MORN1: variants seen among roughly 807,000 people sequenced by gnomAD.
The protein encoded by MORN1 is MORN repeat-containing protein 1.
Under a neutral mutation model 61.9 loss-of-function variants are expected in MORN1, and 67 were observed. That is an observed-to-expected ratio of 1.08 (90% confidence interval 0.89 to 1.33). MORN1 has a LOEUF of 1.33. Ranked by LOEUF, MORN1 falls within the 40% of genes most tolerant of loss-of-function variation. The pLI is 0.00. For missense variants in MORN1, 752 were observed against 691.2 expected (o/e 1.09, Z -0.99); for synonymous variants, 301 against 292.0 (o/e 1.03, Z -0.31).
chr1:2,349,891 A>G (rs960844936), intron 10 of MORN1, among the ~76,000 whole-genome samples: 1 of 151,894 alleles, frequency 6.6e-6, no homozygotes, highest in Non-Finnish European at 1.5e-5. Flanking sequence ...TTTGTGCATG[A>G]AAAAAAAGAA....
At chr1:2,358,959 C>T (rs1476300193) in intron 8 of MORN1, among the ~76,000 whole-genome samples, 1 of 152,142 alleles carries the variant, frequency 6.6e-6, no homozygotes, top group Non-Finnish European at 1.5e-5. Flanking sequence ...ACCCCAATAC[C>T]CCTGTACCCC....
At chr1:2,358,452 T>C (rs1641824210) in intron 9 of MORN1, 140 bp downstream of exon 9, 1 of 1,172,170 alleles carries the variant, frequency 8.5e-7, no homozygotes, top group Non-Finnish European at 1.2e-6. Flanking sequence ...GCTGTTTCCT[T>C]AGAACAGACA....
At chr1:2,381,209 T>C (rs1336932177) in intron 6 of MORN1, among the ~76,000 whole-genome samples, 1 of 152,254 alleles carries the variant, frequency 6.6e-6, no homozygotes, top group Non-Finnish European at 1.5e-5. Flanking sequence ...ACGGCTGTGC[T>C]GCGTGGGAGG....
At chr1:2,382,486 C>T (rs903254500) in intron 6 of MORN1, among the ~76,000 whole-genome samples, 22 of 152,200 alleles carry the variant, frequency 1.4e-4, no homozygotes, top group African/African-American at 4.3e-4. Flanking sequence ...GCACCAGCGC[C>T]GGCCCCAGCT....
intron 10 of MORN1, among the ~76,000 whole-genome samples, chr1:2,348,779 A>G (rs61330564): frequency 0.037 from 4,968 of 132,482 alleles, 335 homozygotes; most frequent in African/African-American, 0.16. Context: ...GCAGGCACGC[A>G]CACACACGCA....
chr1:2,349,222 G>A (rs2055204), intron 10 of MORN1, among the ~76,000 whole-genome samples: 70,590 of 152,090 alleles, frequency 0.46, 18,349 homozygotes, highest in East Asian at 0.63. Flanking sequence ...CCTCAGAGAA[G>A]AGAAAAGGAC....
intron 10 of MORN1, among the ~76,000 whole-genome samples, chr1:2,342,127 G>A (rs1044732724): frequency 5.3e-5 from 8 of 152,280 alleles, no homozygotes; most frequent in African/African-American, 1.4e-4. Flanking sequence ...AAAGGTCACC[G>A]TACGACCTCG....
At chr1:2,343,982 G>C (rs1394966834) in intron 10 of MORN1, among the ~76,000 whole-genome samples, 1 of 151,566 alleles carries the variant, frequency 6.6e-6, no homozygotes, top group African/African-American at 2.4e-5. Context: ...CTGGGGCTGG[G>C]GCCAGGGGCA....
intron 10 of MORN1, chr1:2,352,055 C>G (rs1260490512): frequency 1.8e-6 from 1 of 551,166 alleles, no homozygotes; most frequent in Admixed American, 2.3e-5. Context: ...CACCAAGACC[C>G]TAGCATACTG....
At chr1:2,341,837 G>A (rs909439241) in intron 10 of MORN1, among the ~76,000 whole-genome samples, 3 of 152,260 alleles carry the variant, frequency 2.0e-5, no homozygotes, top group Non-Finnish European at 4.4e-5. Context: ...TCTCTTCCCC[G>A]TCTGAGTGGT....
intron 6 of MORN1, 68 bp downstream of exon 6, chr1:2,384,910 C>T: frequency 2.2e-6 from 3 of 1,377,528 alleles, no homozygotes; most frequent in South Asian, 2.8e-5. Context: ...TCCCCATACA[C>T]CCCACGCGCC....
At chr1:2,324,236 G>A (rs1258733418) in intron 12 of MORN1, 93 bp from the exon 13 acceptor site, 4 of 1,334,296 alleles carry the variant, frequency 3.0e-6, no homozygotes, top group South Asian at 2.5e-5. Context: ...TGGCTCCAGG[G>A]CAGATTCAGG....
At chr1:2,388,368 A>G (rs1202800969) in intron 2 of MORN1, 31 bp from the exon 3 acceptor site, 1 of 1,571,436 alleles carries the variant, frequency 6.4e-7, no homozygotes, top group Admixed American at 1.7e-5. Flanking sequence ...GTGAACTCAG[A>G]CAGTGGTTGG....
At chr1:2,323,299 T>C in intron 13 of MORN1, 1 of 985,372 alleles carries the variant, frequency 1.0e-6, no homozygotes, top group Non-Finnish European at 1.2e-6. Flanking sequence ...GTTCTCCCGC[T>C]GCGCCAGAGG....
At chr1:2,349,674 A>G (rs1641604611) in intron 10 of MORN1, among the ~76,000 whole-genome samples, 1 of 152,200 alleles carries the variant, frequency 6.6e-6, no homozygotes, top group South Asian at 2.1e-4. Flanking sequence ...CCACGAGGCA[A>G]TGAAATTCCC....
intron 12 of MORN1, among the ~76,000 whole-genome samples, chr1:2,325,031 G>A (rs1366899376): frequency 2.0e-5 from 3 of 150,760 alleles, no homozygotes; most frequent in African/African-American, 7.4e-5. Context: ...CTGGCTCTGT[G>A]TGGACACCCA....
intron 12 of MORN1, among the ~76,000 whole-genome samples, chr1:2,331,106 A>G (rs1641139099): frequency 6.6e-6 from 1 of 152,056 alleles, no homozygotes; most frequent in Non-Finnish European, 1.5e-5. Context: ...TCTACCGCCC[A>G]CTACAGGGAG....
At chr1:2,387,672 C>T in intron 3 of MORN1, 143 bp from the exon 4 acceptor site, 1 of 641,390 alleles carries the variant, frequency 1.6e-6, no homozygotes, top group East Asian at 2.7e-5. Context: ...ACTCAGTCTG[C>T]TTCATGAGGG....
At chr1:2,332,780 T>A (rs777995160) in intron 12 of MORN1, 3 of 455,302 alleles carry the variant, frequency 6.6e-6, no homozygotes, top group Non-Finnish European at 1.3e-5. Flanking sequence ...CCTCCATGAG[T>A]GAGTGAGGCT....
Sources: allele counts gnomAD v4.1 joint callset (sites outside exome capture counted in the v4.1 genomes callset), GRCh38; gene constraint gnomAD v4.1.1; transcripts MANE v1.5; gene names NCBI Gene and HGNC (gene_info 2026-07-23, HGNC 2026-07-21).